Variants in LMAN1 observed in about 807,000 individuals in gnomAD.
LMAN1 encodes the protein protein ERGIC-53.
In LMAN1, 32 loss-of-function variants were observed where a neutral mutation model predicts 67.8. That is an observed-to-expected ratio of 0.47 (90% CI 0.36 to 0.63). The LOEUF is 0.63. LMAN1 is among the 30% of genes least tolerant of loss of function. The pLI is 0.00. For missense variants in LMAN1, 632 were observed against 628.2 expected, an observed-to-expected ratio of 1.01 and a Z score of -0.06; for synonymous variants, 235 against 219.3, an observed-to-expected ratio of 1.07 and a Z score of -0.63.
Position 59,331,494 on chromosome 18 carries a change from A to G in LMAN1, c.1420T>C (p.Ser474Pro), listed in dbSNP as rs770584211. The G allele has an allele frequency of 1.9e-6, 3 of 1,612,478 alleles. No individual in the cohort carries two copies. Among genetic ancestry groups the G allele is most frequent in the Non-Finnish European group, 2.5e-6 (3 of 1,178,666 alleles). The part of the protein sequence containing the change: ...PKCPELPPFP[S>P]CLSTVHFIIF... Reference sequence around the variant, plus strand: ...ATGAAGTGGACCGTAGACAAACATGATGGAAATGGTGGTAGTTCTGGGCAT... The same window carrying G: ...ATGAAGTGGACCGTAGACAAACATGGTGGAAATGGTGGTAGTTCTGGGCAT... Residue 474 changes from serine to proline, a missense_variant, in exon 12 of 13, where the codon TCA becomes CCA. Ser to Pro is a moderately conservative substitution (Grantham distance 74, BLOSUM62 -1). Transcript: ENST00000251047.
intron 6 of LMAN1, 137 bp downstream of exon 6, chr18:59,348,976 T>C: frequency 9.9e-7 from 1 of 1,011,282 alleles, no homozygotes; most frequent in Admixed American, 1.7e-5. Flanking sequence ...ACCAAAAGAC[T>C]GGCACAAGAG....
rs10515978 is a variant in LMAN1, at chr18:59,338,423, T to C, written c.1220+134A>G. The C allele has an allele frequency of 0.26, 189,925 of 730,178 alleles. 25,527 individuals are homozygous for C. Among genetic ancestry groups the C allele is most frequent in the South Asian group, 0.35 (23,019 of 66,438 alleles). The allele number at this position is 730,178 out of a possible 1,614,324, so 45.2% of individuals were successfully genotyped here. A position where few individuals can be genotyped will look rare whatever the true frequency, so the allele number is the denominator to read the frequency against. On this transcript the variant is annotated intron_variant, in intron 10 of 12. Coordinates refer to ENST00000251047, the MANE Select transcript of LMAN1 (RefSeq NM_005570.4). Reference sequence around the variant, plus strand: ...AAGTTGCTGTATTTATGGTCCCCTATTTGTAAAATGAATCTAGAACGGGAT... The same window carrying C: ...AAGTTGCTGTATTTATGGTCCCCTACTTGTAAAATGAATCTAGAACGGGAT...
At chr18:59,337,050 C>T (rs1228729092) in intron 10 of LMAN1, among the ~76,000 whole-genome samples, 6 of 151,384 alleles carry the variant, frequency 4.0e-5, no homozygotes, top group Non-Finnish European at 7.4e-5. Context: ...CTCCAAAATA[C>T]TAACCACAAA....
intron 7 of LMAN1, among the ~76,000 whole-genome samples, chr18:59,346,547 C>G (rs34494685): frequency 0.084 from 12,621 of 150,044 alleles, 599 homozygotes; most frequent in Middle Eastern, 0.14. Context: ...TTGAGATGGA[C>G]TCTTACTTTG....
chr18:59,355,765 A>G, intron 1 of LMAN1, 107 bp from the exon 2 acceptor site: 1 of 1,273,736 alleles, frequency 7.9e-7, no homozygotes, highest in Non-Finnish European at 1.1e-6. Flanking sequence ...AACCTGTACA[A>G]TAATGATTTG....
intron 8 of LMAN1, among the ~76,000 whole-genome samples, chr18:59,342,805 A>G (rs954641682): frequency 1.3e-5 from 2 of 152,096 alleles, no homozygotes; most frequent in African/African-American, 4.8e-5. Flanking sequence ...TCACCAGAGC[A>G]ATCAGGCAAG....
rs2070723557 is a variant in LMAN1 at position 59,328,052 on chromosome 18, T to C, written c.*3041A>G. 6.6e-6 allele frequency: 1 copy of C among 152,212 alleles called. No homozygotes were observed. Among genetic ancestry groups the C allele is most frequent in the Non-Finnish European group, 1.5e-5 (1 of 68,040 alleles). The allele number at this position is 152,212 out of a possible 1,614,324, so 9.4% of individuals were successfully genotyped here. The stretch of plus-strand genomic sequence containing the variant: ...TGGATTTCACATTAGATCTTATAAA[T>C]TAAAAAAATCCTCAATATAATCATT... On this transcript the variant is annotated 3_prime_UTR_variant, in exon 13 of 13. Transcript: ENST00000251047.
chr18:59,347,252 C>T (rs552355811), intron 7 of LMAN1, among the ~76,000 whole-genome samples: 5 of 130,948 alleles, frequency 3.8e-5, no homozygotes, highest in Admixed American at 1.8e-4. Context: ...ACCCGGGAGG[C>T]GGAGCTTGCA....
At chr18:59,350,241 T>C (rs1908510661) in intron 5 of LMAN1, among the ~76,000 whole-genome samples, 1 of 152,228 alleles carries the variant, frequency 6.6e-6, no homozygotes, top group Non-Finnish European at 1.5e-5. Flanking sequence ...TTGGTTCATA[T>C]TAATATGTTT....
chr18:59,341,328 G>A (rs1324302139), intron 8 of LMAN1, among the ~76,000 whole-genome samples: 1 of 151,880 alleles, frequency 6.6e-6, no homozygotes, highest in African/African-American at 2.4e-5. Flanking sequence ...AGAAACATTG[G>A]GCTTAAATTG....
intron 1 of LMAN1, 107 bp downstream of exon 1, chr18:59,358,924 G>A (rs1908727997): frequency 1.7e-6 from 2 of 1,146,136 alleles, no homozygotes; most frequent in African/African-American, 1.5e-5. Context: ...ATGGTGTGCA[G>A]CTGCTGGAAC....
Position 59,347,569 on chromosome 18 carries a change from C to A in LMAN1, c.766G>T (p.Asp256Tyr). 3.2e-6 allele frequency: 5 copies of A among 1,586,626 alleles called. No homozygotes were observed. The South Asian group carries it at 4.5e-5, about 14-fold the overall frequency. ...ISAATGGLAD[D>Y]HDVLSFLTFQ... ...GTCAGAAAAGAAAGGACATCATGGT[C>A]ATCTACAAATTAAAAAAAAAAAAGT... is the stretch of plus-strand genomic sequence containing the variant. The change falls in exon 7 of 13, where the codon GAC (aspartate) becomes TAC (tyrosine). Residue 256 changes from aspartate (D) to tyrosine (Y), a missense_variant and splice_region_variant. Transcript: ENST00000251047.
chr18:59,352,811 AC>A (rs1603395917), intron 5 of LMAN1: 1 of 305,124 alleles, frequency 3.3e-6, no homozygotes, highest in East Asian at 8.2e-5. Flanking sequence ...TAGGAATGAT[AC>A]ATTTGTGTGT....
chr18:59,344,053 C>G (rs1451520104), intron 8 of LMAN1, among the ~76,000 whole-genome samples: 3 of 152,098 alleles, frequency 2.0e-5, no homozygotes, highest in Admixed American at 2.0e-4. Context: ...CTCAACATCA[C>G]TAATCATCAA....
chr18:59,353,094 T>C, intron 5 of LMAN1, 108 bp downstream of exon 5: 5 of 946,098 alleles, frequency 5.3e-6, no homozygotes, highest in South Asian at 4.0e-5. Context: ...ATGAAGAGTA[T>C]GTAAGCATAT....
chr18:59,335,884 A>T (rs1000682834), intron 10 of LMAN1, among the ~76,000 whole-genome samples: 6 of 152,242 alleles, frequency 3.9e-5, no homozygotes, highest in Non-Finnish European at 1.5e-5. Flanking sequence ...ACGAGCTAAC[A>T]ATTTGAAACC....
Position 59,331,118 on chromosome 18 carries a change from T to G in LMAN1, c.1508A>C (p.Glu503Ala). The stretch of plus-strand genomic sequence containing the variant: ...TCAAAAGAATTTTTTGGCAGCTGCT[T>G]CTTGCTGAGACCTAATGAAAAAAAG... ...IGYIMYRSQQEAAAKKFF is the reference protein window; with the variant it reads ...IGYIMYRSQQAAAAKKFF Residue 503 changes from glutamate (E) to alanine (A), a missense_variant, in exon 13 of 13, where the codon GAA becomes GCA. By Grantham distance (107) the Glu-to-Ala change is moderately radical. Coordinates refer to ENST00000251047, the MANE Select transcript of LMAN1 (RefSeq NM_005570.4). 6.2e-7 allele frequency: 1 copy of G among 1,612,054 alleles called. No homozygotes were observed. The highest frequency in any genetic ancestry group is 8.5e-7 in the Non-Finnish European group (1 of 1,178,530).
At chr18:59,348,731 T>C (rs1457186306) in intron 6 of LMAN1, among the ~76,000 whole-genome samples, 1 of 152,222 alleles carries the variant, frequency 6.6e-6, no homozygotes, top group Non-Finnish European at 1.5e-5. Flanking sequence ...CTAAAACACT[T>C]GGCAATTAAC....
At chr18:59,347,058 G>A (rs1908426419) in intron 7 of LMAN1, among the ~76,000 whole-genome samples, 2 of 151,720 alleles carry the variant, frequency 1.3e-5, no homozygotes, top group Non-Finnish European at 2.9e-5. Context: ...GTGAAACCCC[G>A]TCTCTAGCAA....
Sources: gnomAD v4.1 joint callset for allele counts (sites outside exome capture counted in the v4.1 genomes callset) on GRCh38, gnomAD v4.1.1 for gene constraint, MANE v1.5 for transcripts, NCBI Gene and HGNC (gene_info 2026-07-23, HGNC 2026-07-21) for gene names.